The following CBFA2T2 variants were observed in gnomAD, a reference collection of about 807,000 sequenced individuals.
CBFA2T2 encodes the protein CBFA2/RUNX1 partner transcriptional co-repressor 2.
CBFA2T2 carries 11 observed loss-of-function variants against 62.2 expected under a neutral mutation model. The ratio of observed to expected loss-of-function variants is 0.18; its 90% CI spans 0.11 to 0.29. CBFA2T2 has a LOEUF of 0.29. Ranked by LOEUF, CBFA2T2 falls within the 10% of genes least tolerant of loss-of-function variation. The pLI is 1.00. For synonymous variants in CBFA2T2, 295 were observed against 287.5 expected (o/e 1.03, Z -0.27); for missense variants, 592 against 774.1 (o/e 0.76, Z 2.79).
chr20:33,559,737 T>C (rs1374521855), intron 1 of CBFA2T2, among the ~76,000 whole-genome samples: 1 of 152,040 alleles, frequency 6.6e-6, no homozygotes, highest in Non-Finnish European at 1.5e-5. Flanking sequence ...CCACCCACCT[T>C]GGCCTCCTAA....
intron 1 of CBFA2T2, among the ~76,000 whole-genome samples, chr20:33,577,030 G>A (rs909267283): frequency 3.9e-5 from 6 of 152,224 alleles, no homozygotes; most frequent in African/African-American, 7.2e-5. Context: ...AATTGAGAGG[G>A]TGCTGATTGT....
chr20:33,623,290 C>A lies in CBFA2T2; in HGVS notation c.686C>A (p.Pro229Gln). ...CACGGAAATGGGAAGAGGCCCAGTC[C>A]AGAGAGGTGAGCAGATGAGCTTTGC... is the stretch of plus-strand genomic sequence containing the variant. Reference protein sequence around the residue: ...EVHGNGKRPSPERREENSFDR... With the variant: ...EVHGNGKRPSQERREENSFDR... Residue 229 changes from proline (P) to glutamine (Q), a missense_variant, in exon 5 of 11, where the codon CCA (proline) becomes CAA (glutamine). Physicochemically the swap from Pro to Gln is moderately conservative, Grantham distance 76. This residue lies in a region of CBFA2T2 where 449 missense variants were observed against 551.2 expected (regional missense o/e 0.81). Coordinates refer to ENST00000342704, the MANE Select transcript of CBFA2T2 (RefSeq NM_001032999.3). The A allele has an allele frequency of 6.2e-7, 1 of 1,614,240 alleles. No individual in the cohort carries two copies. The highest frequency in any genetic ancestry group is 8.5e-7 in the Non-Finnish European group (1 of 1,180,050).
chr20:33,501,630 C>CTTT (rs869281966), intron 1 of CBFA2T2, among the ~76,000 whole-genome samples: 2,187 of 63,214 alleles, frequency 0.035, 783 homozygotes, highest in East Asian at 0.075. Context: ...CTTAGCCTTC[C>CTTT]TTTTTTTTTT....
intron 1 of CBFA2T2, among the ~76,000 whole-genome samples, chr20:33,589,019 TA>T (rs1225910429): frequency 2.6e-5 from 4 of 151,974 alleles, no homozygotes; most frequent in African/African-American, 9.7e-5. Context: ...TCCCTTCCCC[TA>T]AAAAAATGCA....
At chr20:33,575,592 A>G (rs1248680689) in intron 1 of CBFA2T2, among the ~76,000 whole-genome samples, 1 of 152,098 alleles carries the variant, frequency 6.6e-6, no homozygotes, top group Non-Finnish European at 1.5e-5. Context: ...AAAGAGTTAT[A>G]GAGTCTTTCT....
rs1428313497 is a variant in CBFA2T2 at position 33,545,010 on chromosome 20, T to TAGAATAGAATAGAAC, written c.34+54713_34+54714insTAGAATAGAACAGAA. Reference sequence around the variant, plus strand: ...TAGAATAGAATAGAATAGAATAGAATAGAACAGAACAGAATGCAAGGTAGA... The same window carrying TAGAATAGAATAGAAC: ...TAGAATAGAATAGAATAGAATAGAATAGAATAGAATAGAACAGAACAGAACAGAATGCAAGGTAGA... On this transcript the variant is annotated intron_variant, in intron 1 of 10. Transcript: ENST00000342704. Among the ~76,000 whole-genome samples the TAGAATAGAATAGAAC allele has an allele frequency of 3.1e-3, 357 of 113,926 alleles. 4 individuals are homozygous for TAGAATAGAATAGAAC. The highest frequency in any genetic ancestry group is 9.9e-3 in the African/African-American group (296 of 29,938). 74.7% of individuals were successfully genotyped at this position (113,926 alleles called of 152,430 possible). A position where few individuals can be genotyped will look rare whatever the true frequency, so the allele number is the denominator to read the frequency against.
chr20:33,549,784 T>C (rs1474273552), intron 1 of CBFA2T2, among the ~76,000 whole-genome samples: 1 of 152,126 alleles, frequency 6.6e-6, no homozygotes, highest in East Asian at 1.9e-4. Context: ...CAACAGGTTT[T>C]TTCCCCTGCT....
At chr20:33,642,603 TA>T (rs561925371) in intron 10 of CBFA2T2, among the ~76,000 whole-genome samples, 37 of 141,398 alleles carry the variant, frequency 2.6e-4, no homozygotes, top group Admixed American at 2.1e-4. Context: ...CCCATCTCTT[TA>T]AAAAAAAAAA....
intron 1 of CBFA2T2, among the ~76,000 whole-genome samples, chr20:33,506,652 A>G (rs1051774772): frequency 1.3e-5 from 2 of 152,202 alleles, no homozygotes; most frequent in African/African-American, 4.8e-5. Context: ...ATAGTGATTA[A>G]CCATCTTTTC....
intron 1 of CBFA2T2, among the ~76,000 whole-genome samples, chr20:33,604,002 A>G (rs1482582635): frequency 6.6e-6 from 1 of 152,140 alleles, no homozygotes; most frequent in Non-Finnish European, 1.5e-5. Flanking sequence ...AACCACTTGG[A>G]TAGATCTCAC....
intron 1 of CBFA2T2, among the ~76,000 whole-genome samples, chr20:33,559,903 T>C (rs894346791): frequency 1.3e-5 from 2 of 152,224 alleles, no homozygotes; most frequent in African/African-American, 2.4e-5. Flanking sequence ...GATGGCCTGA[T>C]TGCTTTCTGT....
chr20:33,623,742 G>A, intron 5 of CBFA2T2: 1 of 702,886 alleles, frequency 1.4e-6, no homozygotes, highest in Non-Finnish European at 2.6e-6. Flanking sequence ...CAGACTTTCT[G>A]TGGTTATTTT....
intron 1 of CBFA2T2, among the ~76,000 whole-genome samples, chr20:33,510,502 C>T (rs187750772): frequency 1.4e-4 from 21 of 152,202 alleles, no homozygotes; most frequent in African/African-American, 4.3e-4. Context: ...TGAGCCACCA[C>T]GCCCGGCCAC....
chr20:33,583,077 CT>C (rs1373284077), intron 1 of CBFA2T2, among the ~76,000 whole-genome samples: 11 of 152,180 alleles, frequency 7.2e-5, no homozygotes, highest in Middle Eastern at 3.2e-3. Flanking sequence ...ATATCCAGCT[CT>C]TTCCTTTTAC....
Position 33,636,603 on chromosome 20 carries a change from AG to A in CBFA2T2, c.1229-36del, listed in dbSNP as rs1429609509. 3 of 1,506,894 alleles carry A rather than the reference AG, an allele frequency of 2.0e-6. No individual in the cohort carries two copies. In the African/African-American group the frequency reaches 4.1e-5, roughly 21 times the overall value. 93.3% of individuals were successfully genotyped at this position (1,506,894 alleles called of 1,614,324 possible). A position where few individuals can be genotyped will look rare whatever the true frequency, so the allele number is the denominator to read the frequency against. On this transcript the variant is annotated intron_variant, in intron 8 of 10. Transcript: ENST00000342704. ...AAAAATAAAACTGCTGATCATAGACAGCTTCTGACCCTATGCTTTTTATGTC... is the reference window on the plus strand; with the variant it reads ...AAAAATAAAACTGCTGATCATAGACACTTCTGACCCTATGCTTTTTATGTC...
intron 8 of CBFA2T2, among the ~76,000 whole-genome samples, chr20:33,632,648 T>C (rs867215883): frequency 6.6e-5 from 10 of 151,704 alleles, no homozygotes; most frequent in South Asian, 2.1e-4. Flanking sequence ...TTTTTTTTTT[T>C]CAGTAGAGAC....
chr20:33,490,426 G>A, intron 1 of CBFA2T2, 125 bp downstream of exon 1: 2 of 1,003,824 alleles, frequency 2.0e-6, no homozygotes, highest in Non-Finnish European at 2.6e-6. Context: ...GAAGCGGGGC[G>A]GCGGATCCAA....
At chr20:33,559,211 T>C (rs937375571) in intron 1 of CBFA2T2, among the ~76,000 whole-genome samples, 1 of 131,522 alleles carries the variant, frequency 7.6e-6, no homozygotes. Context: ...GGAGTGTCAC[T>C]CTGTCACCCA....
chr20:33,601,575 T>C (rs957112746), intron 1 of CBFA2T2, among the ~76,000 whole-genome samples: 1 of 152,062 alleles, frequency 6.6e-6, no homozygotes. Flanking sequence ...TGGAGTCTGA[T>C]TTTTTTATAA....
Sources: gnomAD v4.1 joint callset for allele counts (sites outside exome capture counted in the v4.1 genomes callset) on GRCh38, gnomAD v4.1.1 for gene constraint, gnomAD v4.1.1 regional missense constraint, MANE v1.5 for transcripts, NCBI Gene and HGNC (gene_info 2026-07-23, HGNC 2026-07-21) for gene names.